Variants in RARB observed in about 807,000 individuals in gnomAD.
RARB encodes the protein retinoic acid receptor beta.
RARB carries 17 observed loss-of-function variants against 51.9 expected under a neutral mutation model. The ratio of observed to expected loss-of-function variants is 0.33; its 90% CI spans 0.22 to 0.49. The LOEUF (loss-of-function observed/expected upper bound fraction) is 0.49. Ranked by LOEUF, RARB falls within the 20% of genes least tolerant of loss-of-function variation. The pLI, the probability that RARB is intolerant of heterozygous loss-of-function variation, is 0.99. For synonymous variants in RARB, 215 were observed against 195.4 expected (o/e 1.10, Z -0.84); for missense variants, 369 against 550.8 (o/e 0.67, Z 3.30).
chr3:25,513,655 C>T (rs1364836321), intron 3 of RARB, among the ~76,000 whole-genome samples: 3 of 149,204 alleles, frequency 2.0e-5, no homozygotes, highest in South Asian at 4.2e-4. Context: ...TACTTTCTCT[C>T]AAAACTACAC....
chr3:25,142,047 C>T (rs76119918), intron 4 of RARB, among the ~76,000 whole-genome samples: 1,935 of 152,342 alleles, frequency 0.013, 43 homozygotes, highest in African/African-American at 0.044. Flanking sequence ...CATAAAACAT[C>T]TTGGCCGTGT....
At chr3:25,516,116 C>G (rs570572584) in intron 3 of RARB, among the ~76,000 whole-genome samples, 37 of 152,324 alleles carry the variant, frequency 2.4e-4, no homozygotes, top group African/African-American at 8.7e-4. Context: ...CCATGATCTA[C>G]TCCTAGTTCC....
At chr3:25,400,167 C>A (rs991273516) in intron 5 of RARB, among the ~76,000 whole-genome samples, 6 of 152,276 alleles carry the variant, frequency 3.9e-5, no homozygotes, top group East Asian at 1.9e-4. Flanking sequence ...CCCAGAGACA[C>A]AGTCCCAGCC....
chr3:25,063,651 T>C (rs1698596445), intron 3 of RARB, among the ~76,000 whole-genome samples: 1 of 151,606 alleles, frequency 6.6e-6, no homozygotes, highest in African/African-American at 2.4e-5. Context: ...ACTTAAAGAC[T>C]ACCACAGTCA....
chr3:25,259,667 G>GA (rs1702950638), intron 5 of RARB, among the ~76,000 whole-genome samples: 1 of 152,262 alleles, frequency 6.6e-6, no homozygotes, highest in African/African-American at 2.4e-5. Flanking sequence ...CAGCTAGTAT[G>GA]AGTATAACTA....
chr3:24,963,278 G>T lies in RARB; in HGVS notation c.-379-96847G>T, dbSNP rs1414339478. On this transcript the variant is annotated intron_variant, in intron 2 of 11. Transcript: ENST00000383772. ...TGGGCAAGTTCCTTTGCAACGTCAA[G>T]CAAAGGAGTGCATTGATATAAATGC... 2.6e-5 allele frequency among the ~76,000 whole-genome samples: 4 copies of T among 151,944 alleles called. No individual in the cohort carries two copies. The East Asian group carries it at 7.8e-4, about 30-fold the overall frequency.
upstream of RARB, among the ~76,000 whole-genome samples, chr3:25,426,835 G>T (rs890317156): frequency 1.3e-5 from 2 of 152,164 alleles, no homozygotes; most frequent in African/African-American, 4.8e-5. Context: ...TCTCCATCCG[G>T]CTGGGTTTAT....
intron 2 of RARB, among the ~76,000 whole-genome samples, chr3:24,861,131 G>A (rs1702741253): frequency 6.6e-6 from 1 of 152,128 alleles, no homozygotes; most frequent in African/African-American, 2.4e-5. Context: ...GTGGGGGCAG[G>A]AAGTATCTGT....
At chr3:25,040,525 A>G (rs9809401) in intron 2 of RARB, among the ~76,000 whole-genome samples, 25,468 of 152,012 alleles carry the variant, frequency 0.17, 2,281 homozygotes, top group South Asian at 0.31. Context: ...TTGAGGACAG[A>G]AGTTCGAGAC....
intron 2 of RARB, among the ~76,000 whole-genome samples, chr3:25,004,147 G>A (rs187847316): frequency 1.2e-4 from 18 of 152,152 alleles, no homozygotes; most frequent in African/African-American, 4.3e-4. Context: ...AGGTTTTGTA[G>A]GATGTTTTTA....
At chr3:25,409,966 G>A (rs534781221) in intron 5 of RARB, among the ~76,000 whole-genome samples, 1 of 152,294 alleles carries the variant, frequency 6.6e-6, no homozygotes, top group Non-Finnish European at 1.5e-5. Flanking sequence ...TCAGACAAGA[G>A]TGTGTGCATC....
chr3:25,081,649 T>TTTTA, intron 3 of RARB, among the ~76,000 whole-genome samples: 1 of 117,234 alleles, frequency 8.5e-6, no homozygotes. Flanking sequence ...TTTTTTTTTT[T>TTTTA]GAGATGGAGT....
chr3:25,562,700 A>T (rs1344129552), intron 3 of RARB, among the ~76,000 whole-genome samples: 1 of 152,202 alleles, frequency 6.6e-6, no homozygotes. Context: ...AGGATTTTTC[A>T]TCTAAAACTA....
chr3:25,207,416 C>T (rs1021605489), intron 5 of RARB, among the ~76,000 whole-genome samples: 3 of 152,164 alleles, frequency 2.0e-5, no homozygotes, highest in Admixed American at 6.5e-5. Flanking sequence ...CATGTAGTCA[C>T]ATCTTATCTT....
intron 2 of RARB, among the ~76,000 whole-genome samples, chr3:24,953,028 T>C (rs1012084608): frequency 3.9e-5 from 6 of 152,150 alleles, no homozygotes; most frequent in Admixed American, 2.6e-4. Flanking sequence ...CAAAAAACCC[T>C]TTGCTTGTTT....
intron 3 of RARB, among the ~76,000 whole-genome samples, chr3:25,543,350 G>A (rs898326526): frequency 6.6e-6 from 1 of 152,100 alleles, no homozygotes; most frequent in African/African-American, 2.4e-5. Flanking sequence ...TTTTCCTAAA[G>A]GCACCTCGCT....
chr3:24,988,116 T>A (rs1273435538), intron 2 of RARB, among the ~76,000 whole-genome samples: 3 of 152,160 alleles, frequency 2.0e-5, no homozygotes, highest in Admixed American at 1.3e-4. Flanking sequence ...AACTAAGACA[T>A]TTGAAATGTG....
intron 4 of RARB, among the ~76,000 whole-genome samples, chr3:25,161,306 C>T (rs1482042034): frequency 6.6e-6 from 1 of 151,650 alleles, no homozygotes; most frequent in Non-Finnish European, 1.5e-5. Context: ...CTCAGCCTCC[C>T]AAAGTGCTGG....
At chr3:25,511,600 G>T (rs1697900447) in intron 3 of RARB, among the ~76,000 whole-genome samples, 1 of 152,184 alleles carries the variant, frequency 6.6e-6, no homozygotes, top group African/African-American at 2.4e-5. Context: ...AAATTGTGAA[G>T]GCAGTACTTC....
Sources: allele counts gnomAD v4.1 joint callset (sites outside exome capture counted in the v4.1 genomes callset), GRCh38; gene constraint gnomAD v4.1.1; transcripts MANE v1.5; gene names NCBI Gene and HGNC (gene_info 2026-07-23, HGNC 2026-07-21).